Variants in RAB3IL1 observed in about 807,000 individuals in gnomAD.
RAB3IL1 encodes RAB3A interacting protein like 1, also known as guanine nucleotide exchange factor for Rab-3A.
Under a neutral mutation model 49.2 loss-of-function variants are expected in RAB3IL1, and 37 were observed. The ratio of observed to expected loss-of-function variants is 0.75; its 90% CI spans 0.58 to 0.99. The LOEUF is 0.99. RAB3IL1 is among the 50% of genes least tolerant of loss of function. The pLI is 0.00. For missense variants in RAB3IL1, 484 were observed against 513.0 expected, an observed-to-expected ratio of 0.94 and a Z score of 0.55; for synonymous variants, 193 against 213.9, an observed-to-expected ratio of 0.90 and a Z score of 0.85.
upstream of RAB3IL1, among the ~76,000 whole-genome samples, chr11:61,922,433 A>T (rs1259009684): frequency 6.6e-6 from 1 of 151,928 alleles, no homozygotes; most frequent in Non-Finnish European, 1.5e-5. Flanking sequence ...GAGGCAGGAG[A>T]ATCGCTTGAA....
At chr11:61,933,192 A>C in the RAB3IL1 span, among the ~76,000 whole-genome samples, 1 of 152,222 alleles carries the variant, frequency 6.6e-6, no homozygotes, top group Non-Finnish European at 1.5e-5. Flanking sequence ...ACCTTATATG[A>C]AAACAGAGTC....
upstream of RAB3IL1, among the ~76,000 whole-genome samples, chr11:61,918,446 T>TGG (rs1939803613): frequency 6.6e-6 from 1 of 152,254 alleles, no homozygotes; most frequent in African/African-American, 2.4e-5. Context: ...CCAGGCCCAC[T>TGG]GACTCAGGCC....
At chr11:61,944,937 G>A in the RAB3IL1 span, among the ~76,000 whole-genome samples, 5 of 152,140 alleles carry the variant, frequency 3.3e-5, no homozygotes, top group Admixed American at 1.3e-4. Flanking sequence ...CTGACCTCCC[G>A]TGATTCACCC....
At chr11:61,916,345 CAA>C (rs1209270016) in intron 1 of RAB3IL1, among the ~76,000 whole-genome samples, 1 of 137,084 alleles carries the variant, frequency 7.3e-6, no homozygotes. Flanking sequence ...GACTCCGTCT[CAA>C]AAAAAAAAAA....
the RAB3IL1 span, among the ~76,000 whole-genome samples, chr11:61,934,452 A>ATGTATG: frequency 2.0e-3 from 25 of 12,488 alleles, no homozygotes; most frequent in African/African-American, 4.2e-3. Flanking sequence ...GTGTGTATGT[A>ATGTATG]TATATATATA....
In RAB3IL1 at chr11:61,906,423, C is replaced by T. The variant is rs754552244; in HGVS notation, c.657+43G>A. The T allele has an allele frequency of 1.3e-6, 2 of 1,515,400 alleles. No individual in the cohort carries two copies. Among genetic ancestry groups the T allele is most frequent in the African/African-American group, 1.4e-5 (1 of 72,532 alleles). The allele number at this position is 1,515,400 out of a possible 1,614,324, so 93.9% of individuals were successfully genotyped here. ...GCTCGGACCCTGCCTACCGCAGGCA[C>T]TGCCACCCTTCCCCGTGCCCAGAGC... On this transcript the variant is annotated intron_variant, in intron 5 of 9. Transcript: ENST00000394836. The surrounding 1 kb of genome is among the most constrained non-coding windows in gnomAD (Gnocchi z 4.6).
the RAB3IL1 span, among the ~76,000 whole-genome samples, chr11:61,930,217 A>G: frequency 6.6e-6 from 1 of 152,166 alleles, no homozygotes. Context: ...TATAAGGTCT[A>G]TGAAATCAAG....
chr11:61,910,991 G>A (rs758325068), intron 1 of RAB3IL1, among the ~76,000 whole-genome samples: 2 of 152,226 alleles, frequency 1.3e-5, no homozygotes, highest in Non-Finnish European at 1.5e-5. Context: ...CACCAGTGTG[G>A]TCTGGGCCTC....
chr11:61,919,344 T>C (rs757944980), upstream of RAB3IL1, among the ~76,000 whole-genome samples: 30 of 152,156 alleles, frequency 2.0e-4, no homozygotes, highest in Non-Finnish European at 4.1e-4. Flanking sequence ...CCACACTCAA[T>C]TTCTAACCAA....
chr11:61,905,706 G>A (rs1565360787), intron 5 of RAB3IL1, among the ~76,000 whole-genome samples: 1 of 152,202 alleles, frequency 6.6e-6, no homozygotes, highest in African/African-American at 2.4e-5. Context: ...TGGAAGCCAG[G>A]ATGGAGTCGA....
At chr11:61,915,865 G>A (rs1939658300) in intron 1 of RAB3IL1, among the ~76,000 whole-genome samples, 1 of 151,798 alleles carries the variant, frequency 6.6e-6, no homozygotes, top group South Asian at 2.1e-4. Flanking sequence ...GTGAAACCCT[G>A]TCTCTACTAA....
rs1939375981 is a variant in RAB3IL1 at position 61,909,748 on chromosome 11, T to C, written c.12-1442A>G. 2.6e-5 allele frequency among the ~76,000 whole-genome samples: 4 copies of C among 152,346 alleles called. No individual in the cohort carries two copies. In the Middle Eastern group the frequency reaches 0.014, roughly 518 times the overall value. The stretch of plus-strand genomic sequence containing the variant: ...TGGCGGAGCCCTGGGCTGGGGTCTG[T>C]GCCCTGGGGACTCACTCTGCCAGAC... On this transcript the variant is annotated intron_variant, in intron 1 of 9. Transcript: ENST00000394836.
At chr11:61,921,916 C>T (rs1047008472), upstream of RAB3IL1, among the ~76,000 whole-genome samples, 8 of 152,068 alleles carry the variant, frequency 5.3e-5, no homozygotes, top group South Asian at 2.1e-4. Context: ...TGGCCAGGTG[C>T]GGTGGCTCAT....
In RAB3IL1 at chr11:61,897,568, CCTT is replaced by C. The variant is rs989669929; in HGVS notation, c.*707_*709del. The C allele has an allele frequency of 6.6e-6, 1 of 152,006 alleles. No homozygotes were observed. Among genetic ancestry groups the C allele is most frequent in the African/African-American group, 2.4e-5 (1 of 41,292 alleles). The allele number at this position is 152,006 out of a possible 1,614,324, so 9.4% of individuals were successfully genotyped here. A position where few individuals can be genotyped will look rare whatever the true frequency, so the allele number is the denominator to read the frequency against. On this transcript the variant is annotated 3_prime_UTR_variant, in exon 10 of 10. Transcript: ENST00000394836. ...CTACTGTGGCAGAAAGTGCCCCAGT[CCTT>C]CCAGCGGTTTTGGGAGCAGGGCCTC... is the stretch of plus-strand genomic sequence containing the variant.
Position 61,904,613 on chromosome 11 carries a change from T to C in RAB3IL1, c.832A>G (p.Ile278Val), listed in dbSNP as rs1163967126. 2.5e-6 allele frequency: 4 copies of C among 1,613,136 alleles called. No homozygotes were observed. Among genetic ancestry groups the C allele is most frequent in the Non-Finnish European group, 3.4e-6 (4 of 1,179,798 alleles). ...AGCGTCTGCGAAGCCACCGGCTCAATGGTGAGCGTGTTGTCCTCCACGGCG... is the reference window on the plus strand; with the variant it reads ...AGCGTCTGCGAAGCCACCGGCTCAACGGTGAGCGTGTTGTCCTCCACGGCG... ...RAAVEDNTLT[I>V]EPVASQTLPT... The change falls in exon 7 of 10, where the codon ATT becomes GTT. Residue 278 changes from isoleucine (I) to valine (V), a missense_variant. By Grantham distance (29) the Ile-to-Val change is conservative. Coordinates refer to ENST00000394836, the MANE Select transcript of RAB3IL1 (RefSeq NM_013401.4).
chr11:61,909,024 C>G (rs1354622930), intron 1 of RAB3IL1, among the ~76,000 whole-genome samples: 1 of 152,172 alleles, frequency 6.6e-6, no homozygotes, highest in Non-Finnish European at 1.5e-5. Context: ...AGGCCTCATT[C>G]CGCCCCCACC....
chr11:61,908,740 C>T (rs894728513), intron 1 of RAB3IL1, among the ~76,000 whole-genome samples: 1 of 152,208 alleles, frequency 6.6e-6, no homozygotes, highest in Non-Finnish European at 1.5e-5. Context: ...CGGATGCACT[C>T]AAGCAGGAGC....
At chr11:61,928,352 CAAATACATGGAGCTAGGACCCTCA>C in the RAB3IL1 span, among the ~76,000 whole-genome samples, 2 of 151,818 alleles carry the variant, frequency 1.3e-5, no homozygotes, top group Admixed American at 1.3e-4. Flanking sequence ...TAGGACCCTC[CAAATACATGGAGCTAGGACCCTCA>C]AAATACATGA....
At chr11:61,934,431 T>TGG in the RAB3IL1 span, among the ~76,000 whole-genome samples, 1 of 16,810 alleles carries the variant, frequency 5.9e-5, no homozygotes, top group Non-Finnish European at 1.6e-4. Context: ...TGTGTATGTG[T>TGG]GTGTGTGTGT....
Sources: gnomAD v4.1 joint callset for allele counts (sites outside exome capture counted in the v4.1 genomes callset) on GRCh38, gnomAD v4.1.1 for gene constraint, Gnocchi (gnomAD v3.1) non-coding constraint, MANE v1.5 for transcripts, NCBI Gene and HGNC (gene_info 2026-07-23, HGNC 2026-07-21) for gene names.